Variants in LYRM4 observed in about 807,000 individuals in gnomAD.
LYRM4 encodes LYR motif-containing protein 4.
Under a neutral mutation model 11.7 loss-of-function variants are expected in LYRM4, and 9 were observed. The ratio of observed to expected loss-of-function variants is 0.77; its 90% CI spans 0.46 to 1.34. The LOEUF (loss-of-function observed/expected upper bound fraction) is 1.34, where lower values mean the gene tolerates loss of function less well. Ranked by LOEUF, LYRM4 falls within the 40% of genes most tolerant of loss-of-function variation. LYRM4 has a pLI of 0.00. For synonymous variants in LYRM4, 42 were observed against 40.4 expected (o/e 1.04, Z -0.15); for missense variants, 133 against 112.5 (o/e 1.18, Z -0.82).
downstream of LYRM4, chr6:5,108,346 G>A (rs1762729093): frequency 5.4e-6 from 4 of 746,890 alleles, no homozygotes; most frequent in Non-Finnish European, 6.5e-6. Context: ...CTGGTCCCTC[G>A]TAAACTCCCC....
In LYRM4 at chr6:5,200,756, G is replaced by A. The variant is rs182265173; in HGVS notation, c.207+15862C>T. On this transcript the variant is annotated intron_variant, in intron 2 of 2. Transcript: ENST00000330636. Reference sequence around the variant, plus strand: ...TGTGGCTGCACACTGTCATCACTTCGGGATACTGATGCCTGACTCCCACAC... The same window carrying A: ...TGTGGCTGCACACTGTCATCACTTCAGGATACTGATGCCTGACTCCCACAC... Among the ~76,000 whole-genome samples the A allele has an allele frequency of 3.3e-5, 5 of 152,246 alleles. No individual in the cohort carries two copies. The South Asian group carries it at 6.2e-4, about 19-fold the overall frequency.
intron 1 of LYRM4, among the ~76,000 whole-genome samples, chr6:5,217,132 G>A (rs1762318653): frequency 2.0e-5 from 3 of 152,174 alleles, no homozygotes; most frequent in African/African-American, 4.8e-5. Context: ...CAGCCTGGGC[G>A]ACAATGCGAG....
At chr6:5,036,585 G>A in the LYRM4 span, among the ~76,000 whole-genome samples, 20 of 152,316 alleles carry the variant, frequency 1.3e-4, no homozygotes, top group African/African-American at 2.6e-4. Flanking sequence ...TCTGCCTGCC[G>A]TCTCCTTCTG....
At chr6:5,156,574 C>T (rs1002201780) in intron 2 of LYRM4, among the ~76,000 whole-genome samples, 2 of 152,228 alleles carry the variant, frequency 1.3e-5, no homozygotes, top group African/African-American at 4.8e-5. Context: ...GCTGCCCGTG[C>T]ATCTTGAAGG....
At chr6:5,208,357 T>C (rs1277273944) in intron 2 of LYRM4, among the ~76,000 whole-genome samples, 3 of 152,242 alleles carry the variant, frequency 2.0e-5, no homozygotes, top group African/African-American at 7.2e-5. Context: ...CCAGAGTTAA[T>C]AATATCTGCT....
intron 1 of LYRM4, among the ~76,000 whole-genome samples, chr6:5,222,482 G>T (rs989387349): frequency 1.3e-5 from 2 of 152,150 alleles, no homozygotes; most frequent in Non-Finnish European, 2.9e-5. Flanking sequence ...TTCGGTGGGT[G>T]ACAAGATCTG....
chr6:5,100,928 T>C (rs566510967), downstream of LYRM4, among the ~76,000 whole-genome samples: 1 of 152,292 alleles, frequency 6.6e-6, no homozygotes, highest in Non-Finnish European at 1.5e-5. Context: ...CATTCTTTCT[T>C]CTCCATCTGA....
intron 1 of LYRM4, among the ~76,000 whole-genome samples, chr6:5,249,343 G>T (rs1186810222): frequency 6.6e-6 from 1 of 152,160 alleles, no homozygotes; most frequent in African/African-American, 2.4e-5. Flanking sequence ...CCTCACTCAT[G>T]ATACTCATCC....
the LYRM4 span, chr6:5,033,600 C>T: frequency 1.2e-4 from 18 of 152,510 alleles, no homozygotes; most frequent in South Asian, 1.0e-3. Flanking sequence ...CATCTCCTAA[C>T]CAGTCTCCCG....
rs74322559 is a variant in LYRM4, at chr6:5,149,377, A to G, written c.208-39886T>C. On this transcript the variant is annotated intron_variant, in intron 2 of 2. Transcript: ENST00000330636. ...TCCTCCAGGTCCCCAGGACACAGAT[A>G]TCAAGGATGGTGTCAGGCTCATTAT... is the stretch of plus-strand genomic sequence containing the variant. 6.6e-3 allele frequency among the ~76,000 whole-genome samples: 1,000 copies of G among 152,288 alleles called. 6 individuals are homozygous for G. Among genetic ancestry groups the G allele is most frequent in the Non-Finnish European group, 0.011 (757 of 68,022 alleles).
chr6:5,202,029 G>A (rs1229734635), intron 2 of LYRM4, among the ~76,000 whole-genome samples: 1 of 152,132 alleles, frequency 6.6e-6, no homozygotes, highest in Non-Finnish European at 1.5e-5. Context: ...CCATGCCTGC[G>A]GCACCTGGTA....
chr6:5,093,045 A>C, the LYRM4 span, among the ~76,000 whole-genome samples: 1 of 152,228 alleles, frequency 6.6e-6, no homozygotes, highest in Admixed American at 6.5e-5. Context: ...GAAACACACA[A>C]TATGTTCTTT....
the LYRM4 span, among the ~76,000 whole-genome samples, chr6:5,071,357 C>T: frequency 6.6e-6 from 1 of 151,570 alleles, no homozygotes; most frequent in Non-Finnish European, 1.5e-5. Context: ...TTTTTTAAAC[C>T]ACACTAAATT....
At position 5,195,348 on chromosome 6, in the gene LYRM4, C is replaced by T. The variant is rs533884362; in HGVS notation, c.207+21270G>A. ...GTATCAGGCCGGGTATGGTGGCTCA[C>T]GCCTATAATCTCAGCACTTTGGGAG... On this transcript the variant is annotated intron_variant, in intron 2 of 2. Transcript: ENST00000330636. 4.6e-5 allele frequency among the ~76,000 whole-genome samples: 7 copies of T among 152,158 alleles called. No individual in the cohort carries two copies. The South Asian group carries it at 1.0e-3, about 23-fold the overall frequency.
At chr6:5,150,676 C>T (rs1244653448) in intron 2 of LYRM4, among the ~76,000 whole-genome samples, 30 of 152,174 alleles carry the variant, frequency 2.0e-4, no homozygotes, top group Admixed American at 2.0e-3. Flanking sequence ...GAGTGTCATG[C>T]ATTTACTAAT....
At chr6:5,255,417 G>C (rs1353924809) in intron 1 of LYRM4, among the ~76,000 whole-genome samples, 2 of 152,082 alleles carry the variant, frequency 1.3e-5, no homozygotes, top group Admixed American at 6.5e-5. Context: ...TGCTGATTTA[G>C]GGGGAGGAAA....
intron 2 of LYRM4, among the ~76,000 whole-genome samples, chr6:5,192,367 A>T (rs868415215): frequency 1.3e-5 from 2 of 152,174 alleles, no homozygotes; most frequent in Non-Finnish European, 2.9e-5. Context: ...AGGACAGCAC[A>T]CACTGCAGGA....
chr6:5,052,709 T>G, the LYRM4 span, among the ~76,000 whole-genome samples: 1 of 152,240 alleles, frequency 6.6e-6, no homozygotes, highest in Non-Finnish European at 1.5e-5. Context: ...AACTGTACAC[T>G]GAAAATGGTT....
At chr6:5,067,480 C>G in the LYRM4 span, among the ~76,000 whole-genome samples, 2 of 152,208 alleles carry the variant, frequency 1.3e-5, no homozygotes, top group Non-Finnish European at 2.9e-5. Context: ...CTCTGAAGGG[C>G]TGCTTGAGTG....
Sources: allele counts gnomAD v4.1 joint callset (sites outside exome capture counted in the v4.1 genomes callset), GRCh38; gene constraint gnomAD v4.1.1; transcripts MANE v1.5; gene names NCBI Gene and HGNC (gene_info 2026-07-23, HGNC 2026-07-21).